The following FANCD2 variants were observed in gnomAD, a reference collection of about 807,000 sequenced individuals.
FANCD2 encodes FA complementation group D2.
Under a neutral mutation model 192.3 loss-of-function variants are expected in FANCD2, and 131 were observed. That is an observed-to-expected ratio of 0.68 (90% CI 0.59 to 0.79). FANCD2 has a LOEUF of 0.79. Ranked by LOEUF, FANCD2 falls within the 30% of genes least tolerant of loss-of-function variation. FANCD2 has a pLI of 0.00. For synonymous variants in FANCD2, 524 were observed against 612.5 expected (o/e 0.86, Z 2.13); for missense variants, 1,508 against 1,701.6 (o/e 0.89, Z 2.00).
intron 29 of FANCD2, among the ~76,000 whole-genome samples, chr3:10,076,215 CATT>C (rs983751158): frequency 6.6e-6 from 1 of 151,592 alleles, no homozygotes; most frequent in Non-Finnish European, 1.5e-5. Flanking sequence ...AGTAGCAAAA[CATT>C]AGAGGAAAAC....
intron 2 of FANCD2, 28 bp from the exon 3 acceptor site, chr3:10,032,804 A>G (rs2086635225): frequency 1.9e-6 from 3 of 1,599,462 alleles, no homozygotes; most frequent in African/African-American, 1.3e-5. Context: ...ACTATTTGCC[A>G]TATTCTTGAA....
chr3:10,065,236 C>G (rs982221633), intron 23 of FANCD2, among the ~76,000 whole-genome samples, 158 bp from the exon 24 acceptor site: 9 of 152,098 alleles, frequency 5.9e-5, no homozygotes, highest in African/African-American at 9.7e-5. Flanking sequence ...TTGCAGTGAG[C>G]TGAGATCGTG....
intron 1 of FANCD2, among the ~76,000 whole-genome samples, chr3:10,027,748 AC>A (rs1205816801): frequency 6.6e-5 from 10 of 151,870 alleles, no homozygotes; most frequent in Non-Finnish European, 7.4e-5. Context: ...TACTAAAAAT[AC>A]AAAAAATTAG....
intron 26 of FANCD2, among the ~76,000 whole-genome samples, chr3:10,068,351 GA>G (rs560460213): frequency 3.5e-4 from 53 of 151,668 alleles, no homozygotes; most frequent in Admixed American, 2.5e-3. Context: ...CTAAGAATCT[GA>G]AAAAAATCAA....
In FANCD2 at chr3:10,071,147, G is replaced by GA. The variant is rs796952061; in HGVS notation, c.2495-1711dup. On this transcript the variant is annotated intron_variant, in intron 26 of 43. Transcript: ENST00000675286. ...CGATAAAAAAAAAAAAAGAAAAAAA[G>GA]AAAAAAAAAAAAAGATGGCTTTTAT... Among the ~76,000 whole-genome samples the GA allele has an allele frequency of 4.2e-3, 543 of 127,870 alleles. 2 individuals carry two copies. Among genetic ancestry groups the GA allele is most frequent in the African/African-American group, 7.0e-3 (248 of 35,640 alleles). 83.9% of individuals were successfully genotyped at this position (127,870 alleles called of 152,430 possible).
At chr3:10,101,071 A>C in intron 43 of FANCD2, 117 bp from the exon 44 acceptor site, 1 of 799,142 alleles carries the variant, frequency 1.3e-6, no homozygotes, top group Non-Finnish European at 2.1e-6. Context: ...CCTTTAAAAA[A>C]AAAAAAAAGT....
intron 39 of FANCD2, 65 bp downstream of exon 39, chr3:10,093,388 C>T: frequency 7.5e-7 from 1 of 1,337,838 alleles, no homozygotes; most frequent in Non-Finnish European, 1.1e-6. Context: ...GAGAGGACCT[C>T]AGCTGAGATA....
At chr3:10,042,244 T>C (rs2086884244) in intron 10 of FANCD2, among the ~76,000 whole-genome samples, 1 of 152,200 alleles carries the variant, frequency 6.6e-6, no homozygotes, top group Non-Finnish European at 1.5e-5. Context: ...TCTTCCATGT[T>C]GTCTGAGTCA....
At chr3:10,047,051 T>C (rs1424569139) in intron 15 of FANCD2, among the ~76,000 whole-genome samples, 4 of 152,396 alleles carry the variant, frequency 2.6e-5, no homozygotes, top group Admixed American at 6.5e-5. Flanking sequence ...CCTCTAGAAA[T>C]GTAAATTATT....
intron 17 of FANCD2, among the ~76,000 whole-genome samples, 200 bp from the exon 18 acceptor site, chr3:10,052,187 C>G (rs573193058): frequency 7.2e-5 from 11 of 152,260 alleles, no homozygotes; most frequent in African/African-American, 2.6e-4. Flanking sequence ...TAAGAATTTT[C>G]CCAGTTTATA....
At chr3:10,039,167 G>T in intron 7 of FANCD2, 112 bp from the exon 8 acceptor site, 1 of 700,338 alleles carries the variant, frequency 1.4e-6, no homozygotes. Flanking sequence ...ATGCATAGTA[G>T]GTGTTCGGTA....
In FANCD2 at chr3:10,049,727, T is replaced by G. The variant is rs111326998; in HGVS notation, c.1545+222T>G. Reference sequence around the variant, plus strand: ...GGCCCTTACCTTTCATGTTAAAGACTAAGACACATAAGCAAGTCACTATAA... The same window carrying G: ...GGCCCTTACCTTTCATGTTAAAGACGAAGACACATAAGCAAGTCACTATAA... On this transcript the variant is annotated intron_variant, in intron 17 of 43. Transcript: ENST00000675286. Among the ~76,000 whole-genome samples the G allele has an allele frequency of 1.4e-4, 22 of 152,352 alleles. No individual in the cohort carries two copies. The East Asian group carries it at 2.1e-3, about 15-fold the overall frequency.
Position 10,062,186 on chromosome 3 carries a change from A to G in FANCD2, c.1802A>G (p.Asn601Ser), listed in dbSNP as rs955122662. Residue 601 changes from asparagine (N) to serine (S), a missense_variant, in exon 20 of 44, where the codon AAC becomes AGC. Around this residue, in one of 5 missense-constraint regions of FANCD2, gnomAD observed 110 missense variants for 114.4 expected, o/e 0.96. Transcript: ENST00000675286. ...CCTAGTTTGACCCAAGAGAGAGCCA[A>G]CCTGAGCGATGAGCAGTGCACACAG... is the stretch of plus-strand genomic sequence containing the variant. ...ESPSLTQERANLSDEQCTQVT... is the reference protein window; with the variant it reads ...ESPSLTQERASLSDEQCTQVT... 2.2e-5 allele frequency: 36 copies of G among 1,613,234 alleles called. No individual in the cohort carries two copies. The highest frequency in any genetic ancestry group is 1.6e-4 in the Middle Eastern group (1 of 6,070).
Position 10,082,249 on chromosome 3 carries a change from C to G in FANCD2, c.3224+785C>G, listed in dbSNP as rs34242752. ...GCTCTCCACCGTCTTTTTCCCACATCTGATTGCCAAATCCTGTTGATTTTA... is the reference window on the plus strand; with the variant it reads ...GCTCTCCACCGTCTTTTTCCCACATGTGATTGCCAAATCCTGTTGATTTTA... On this transcript the variant is annotated intron_variant, in intron 32 of 43. Coordinates refer to ENST00000675286, the MANE Select transcript of FANCD2 (RefSeq NM_001018115.3). 1.7e-3 allele frequency among the ~76,000 whole-genome samples: 258 copies of G among 152,246 alleles called. 2 individuals carry two copies. The highest frequency in any genetic ancestry group is 5.8e-3 in the African/African-American group (242 of 41,540).
At chr3:10,065,823 G>A in intron 24 of FANCD2, 41 bp from the exon 25 acceptor site, 1 of 1,298,870 alleles carries the variant, frequency 7.7e-7, no homozygotes, top group Non-Finnish European at 1.1e-6. Context: ...GGTTTTATTG[G>A]CTTGCACTAA....
chr3:10,098,653 C>T, intron 42 of FANCD2, 67 bp from the exon 43 acceptor site: 2 of 1,580,476 alleles, frequency 1.3e-6, no homozygotes, highest in South Asian at 1.1e-5. Flanking sequence ...GTAAACTCAA[C>T]CTTCTCCCCT....
chr3:10,030,607 C>T (rs942000306), intron 2 of FANCD2, among the ~76,000 whole-genome samples: 13 of 151,964 alleles, frequency 8.6e-5, no homozygotes, highest in Non-Finnish European at 1.5e-4. Context: ...GATTTAGAAA[C>T]GGAAACTGTG....
At chr3:10,057,608 C>T (rs2087452309) in intron 18 of FANCD2, among the ~76,000 whole-genome samples, 1 of 152,144 alleles carries the variant, frequency 6.6e-6, no homozygotes, top group Non-Finnish European at 1.5e-5. Context: ...CATGATCTGC[C>T]TGTCTCAGCC....
chr3:10,079,119 T>C (rs972983417), intron 30 of FANCD2, among the ~76,000 whole-genome samples: 2 of 151,152 alleles, frequency 1.3e-5, no homozygotes, highest in Non-Finnish European at 3.0e-5. Context: ...TGGCGCATGC[T>C]TGTAGTCCCA....
Sources: allele counts gnomAD v4.1 joint callset (sites outside exome capture counted in the v4.1 genomes callset), GRCh38; gene constraint gnomAD v4.1.1; regional missense constraint gnomAD v4.1.1; transcripts MANE v1.5; gene names NCBI Gene and HGNC (gene_info 2026-07-23, HGNC 2026-07-21).